Variants in CLCN3 observed in about 807,000 individuals in gnomAD.
The protein encoded by CLCN3 is Cl-/H+ antiporter 3, also known as H(+)/Cl(-) exchange transporter 3.
In CLCN3, 16 loss-of-function variants were observed where a neutral mutation model predicts 83.4. The observed-to-expected ratio is 0.19, with a 90% confidence interval of 0.13 to 0.29. CLCN3 has a LOEUF of 0.29. Among genes scored for constraint, CLCN3 ranks in the 10% least tolerant of loss-of-function variants. The probability of loss-of-function intolerance (pLI) is 1.00; values close to 1 mark genes in which losing one functional copy is unlikely to be tolerated. For missense variants in CLCN3, 544 were observed against 1,006.0 expected (o/e 0.54, Z 6.21); for synonymous variants, 322 against 346.2 (o/e 0.93, Z 0.78).
chr4:169,674,377 A>G (rs1731595193), intron 2 of CLCN3, among the ~76,000 whole-genome samples: 1 of 152,216 alleles, frequency 6.6e-6, no homozygotes, highest in Admixed American at 6.5e-5. Flanking sequence ...CTAAATGATC[A>G]ATTTTAATAT....
intron 2 of CLCN3, among the ~76,000 whole-genome samples, chr4:169,679,023 G>GAA (rs1731800903): frequency 1.3e-5 from 2 of 151,500 alleles, no homozygotes; most frequent in African/African-American, 4.9e-5. Context: ...CAGACGGGGC[G>GAA]GCTGCCGGGC....
intron 1 of CLCN3, among the ~76,000 whole-genome samples, chr4:169,624,766 A>C (rs1773190779): frequency 1.3e-5 from 2 of 152,182 alleles, no homozygotes; most frequent in African/African-American, 4.8e-5. Context: ...TAAATGAATA[A>C]GTTATGTTGA....
intron 10 of CLCN3, 125 bp from the exon 11 acceptor site, chr4:169,706,743 C>T: frequency 1.4e-6 from 1 of 711,194 alleles, no homozygotes; most frequent in Non-Finnish European, 2.4e-6. Context: ...GTTTTAGATG[C>T]TAATGCTTTT....
chr4:169,716,092 A>C lies in CLCN3; in HGVS notation c.2366+2797A>C, dbSNP rs548833805. On this transcript the variant is annotated intron_variant, in intron 12 of 12. Coordinates refer to ENST00000513761, the MANE Select transcript of CLCN3 (RefSeq NM_001829.4). ...TGGGTTATGCCCTGTTAACTCTTAC[A>C]TCATTAGTTTTTAGCCCAAAAGGAA... 7.2e-5 allele frequency among the ~76,000 whole-genome samples: 11 copies of C among 152,274 alleles called. 1 individual carries two copies. Among genetic ancestry groups the C allele is most frequent in the African/African-American group, 2.4e-4 (10 of 41,566 alleles).
intron 2 of CLCN3, among the ~76,000 whole-genome samples, chr4:169,646,144 ATCCT>A (rs763199222): frequency 5.3e-5 from 8 of 152,126 alleles, no homozygotes; most frequent in Non-Finnish European, 1.0e-4. Flanking sequence ...TGTTTATTTT[ATCCT>A]TCCTTCTTAC....
At chr4:169,691,934 T>C (rs1418925319) in intron 6 of CLCN3, among the ~76,000 whole-genome samples, 180 bp from the exon 7 acceptor site, 1 of 152,184 alleles carries the variant, frequency 6.6e-6, no homozygotes, top group East Asian at 1.9e-4. Flanking sequence ...TAGATTATAA[T>C]ATCAATTTAT....
rs568270654 is a variant in CLCN3 at position 169,621,174 on chromosome 4, A to C, written c.-17+111A>C. ...GTTTCTCTTACAATGTACCTACATA[A>C]TGTTGAAAGGTACATCGTGAATTGG... On this transcript the variant is annotated intron_variant, in intron 1 of 12. Transcript: ENST00000513761. The C allele has an allele frequency of 1.0e-3, 364 of 352,198 alleles. 1 individual carries two copies. Among genetic ancestry groups the C allele is most frequent in the Non-Finnish European group, 1.7e-3 (333 of 198,154 alleles). The allele number at this position is 352,198 out of a possible 1,614,324, so 21.8% of individuals were successfully genotyped here.
chr4:169,658,964 TG>T (rs1455259377), intron 2 of CLCN3, among the ~76,000 whole-genome samples: 2 of 152,146 alleles, frequency 1.3e-5, no homozygotes, highest in Non-Finnish European at 1.5e-5. Context: ...CTCCACAAAT[TG>T]AAGAGAATTT....
chr4:169,635,549 G>A (rs1237033953), intron 1 of CLCN3, among the ~76,000 whole-genome samples: 2 of 151,908 alleles, frequency 1.3e-5, no homozygotes, highest in Non-Finnish European at 2.9e-5. Flanking sequence ...ATTCAAAAGG[G>A]GCAGTCTGTC....
chr4:169,703,716 G>C (rs1420880470), intron 9 of CLCN3, among the ~76,000 whole-genome samples: 1 of 120,038 alleles, frequency 8.3e-6, no homozygotes, highest in Non-Finnish European at 1.7e-5. Context: ...TGAAAATTTT[G>C]TTAGGGACTG....
intron 12 of CLCN3, chr4:169,717,640 A>G: frequency 2.1e-6 from 1 of 485,472 alleles, no homozygotes; most frequent in South Asian, 4.7e-5. Context: ...GGAACCTGGA[A>G]CTTTAAATCA....
At chr4:169,696,519 C>A (rs1038071409) in intron 8 of CLCN3, among the ~76,000 whole-genome samples, 11 of 151,660 alleles carry the variant, frequency 7.3e-5, no homozygotes, top group Non-Finnish European at 4.4e-5. Flanking sequence ...TTAGCAAATC[C>A]CTCAAATATT....
At chr4:169,702,592 AAAAAAAAAGTCTTTGATTACTCTC>A (rs1182198057) in intron 9 of CLCN3, among the ~76,000 whole-genome samples, 6 of 151,056 alleles carry the variant, frequency 4.0e-5, no homozygotes, top group African/African-American at 1.2e-4. Context: ...AGGATTACTT[AAAAAAAAAGTCTTTGATTACTCTC>A]AAAAAAAAGT....
At chr4:169,641,823 C>A (rs898644438) in intron 2 of CLCN3, among the ~76,000 whole-genome samples, 3 of 152,180 alleles carry the variant, frequency 2.0e-5, no homozygotes, top group Non-Finnish European at 4.4e-5. Flanking sequence ...ATGAAACTAG[C>A]TGTCTCTAAG....
chr4:169,655,812 G>T (rs2150215621), intron 2 of CLCN3, among the ~76,000 whole-genome samples: 1 of 152,306 alleles, frequency 6.6e-6, no homozygotes, highest in East Asian at 1.9e-4. Context: ...GGCCAATTGT[G>T]TGATGTCTGT....
chr4:169,691,698 T>G (rs1732379568), intron 6 of CLCN3, among the ~76,000 whole-genome samples: 1 of 152,196 alleles, frequency 6.6e-6, no homozygotes, highest in South Asian at 2.1e-4. Context: ...TTGCACATAA[T>G]TACAGTACTC....
chr4:169,677,707 T>G (rs1399581195), intron 2 of CLCN3, among the ~76,000 whole-genome samples: 2 of 152,216 alleles, frequency 1.3e-5, no homozygotes, highest in Non-Finnish European at 2.9e-5. Flanking sequence ...AAGGGATTAT[T>G]CCATTTCATA....
At chr4:169,685,008 G>A (rs1484223886) in intron 3 of CLCN3, among the ~76,000 whole-genome samples, 3 of 148,618 alleles carry the variant, frequency 2.0e-5, no homozygotes, top group Non-Finnish European at 3.0e-5. Flanking sequence ...TAAGAGACTG[G>A]GTCTTGCTAT....
At chr4:169,683,549 A>G (rs539481841) in intron 3 of CLCN3, among the ~76,000 whole-genome samples, 1 of 152,282 alleles carries the variant, frequency 6.6e-6, no homozygotes, top group African/African-American at 2.4e-5. Context: ...TGGTTAGTGT[A>G]CAGTCCTTGA....
Sources: allele counts gnomAD v4.1 joint callset (sites outside exome capture counted in the v4.1 genomes callset), GRCh38; gene constraint gnomAD v4.1.1; transcripts MANE v1.5; gene names NCBI Gene and HGNC (gene_info 2026-07-23, HGNC 2026-07-21).